The following TNFSF4 variants were observed in gnomAD, a reference collection of about 807,000 sequenced individuals.
The protein encoded by TNFSF4 is TNF superfamily member 4, also known as tumor necrosis factor ligand superfamily member 4.
TNFSF4 carries 4 observed loss-of-function variants against 7.3 expected under a neutral mutation model. The ratio of observed to expected loss-of-function variants is 0.55; its 90% CI spans 0.27 to 1.25. The LOEUF (loss-of-function observed/expected upper bound fraction) is 1.25. TNFSF4 is among the 50% of genes most tolerant of loss of function. The pLI is 0.12. For synonymous variants in TNFSF4, 76 were observed against 83.7 expected (o/e 0.91, Z 0.50); for missense variants, 181 against 208.8 (o/e 0.87, Z 0.82).
the TNFSF4 span, among the ~76,000 whole-genome samples, chr1:173,358,937 A>G: frequency 2.6e-5 from 4 of 152,232 alleles, no homozygotes; most frequent in Non-Finnish European, 5.9e-5. Flanking sequence ...AGATCTTTCT[A>G]GGCACCTGGC....
chr1:173,238,516 A>G, the TNFSF4 span, among the ~76,000 whole-genome samples: 1 of 149,346 alleles, frequency 6.7e-6, no homozygotes, highest in African/African-American at 2.4e-5. Context: ...CATCTGACAA[A>G]TGTCTAATAT....
the TNFSF4 span, among the ~76,000 whole-genome samples, chr1:173,353,128 C>T: frequency 6.6e-6 from 1 of 152,116 alleles, no homozygotes; most frequent in Non-Finnish European, 1.5e-5. Context: ...ACAATTTGTG[C>T]AGTCAACGCA....
At chr1:173,408,097 C>T in the TNFSF4 span, among the ~76,000 whole-genome samples, 1 of 152,198 alleles carries the variant, frequency 6.6e-6, no homozygotes, top group African/African-American at 2.4e-5. Flanking sequence ...GGAAAATACA[C>T]TTCTGTTGTT....
At chr1:173,450,359 G>A in the TNFSF4 span, among the ~76,000 whole-genome samples, 1 of 152,002 alleles carries the variant, frequency 6.6e-6, no homozygotes, top group Non-Finnish European at 1.5e-5. Flanking sequence ...AAACATTGTG[G>A]AAGAAATAAT....
chr1:173,429,812 G>C, the TNFSF4 span, among the ~76,000 whole-genome samples: 1 of 152,242 alleles, frequency 6.6e-6, no homozygotes, highest in Non-Finnish European at 1.5e-5. Flanking sequence ...AGGAAAAGTT[G>C]AGTGAGAATG....
At chr1:173,345,169 T>G in the TNFSF4 span, among the ~76,000 whole-genome samples, 1 of 152,200 alleles carries the variant, frequency 6.6e-6, no homozygotes. Context: ...GCCTATAGCA[T>G]AGCAAAACCA....
chr1:173,388,986 C>A, the TNFSF4 span, among the ~76,000 whole-genome samples: 1 of 152,216 alleles, frequency 6.6e-6, no homozygotes, highest in Non-Finnish European at 1.5e-5. Context: ...CATACAGTTT[C>A]TCTCTTTAGA....
At chr1:173,419,067 C>T in the TNFSF4 span, among the ~76,000 whole-genome samples, 1 of 152,202 alleles carries the variant, frequency 6.6e-6, no homozygotes, top group Non-Finnish European at 1.5e-5. Context: ...TGGCCGGGTG[C>T]TGTGGCTCAC....
At chr1:173,334,395 C>T in the TNFSF4 span, among the ~76,000 whole-genome samples, 2 of 152,180 alleles carry the variant, frequency 1.3e-5, no homozygotes, top group African/African-American at 4.8e-5. Flanking sequence ...CCACTTGATC[C>T]TGTCAAGGTA....
At chr1:173,327,609 C>A in the TNFSF4 span, among the ~76,000 whole-genome samples, 3 of 151,644 alleles carry the variant, frequency 2.0e-5, no homozygotes, top group South Asian at 6.3e-4. Flanking sequence ...ACTCATCTGA[C>A]AAAGGGCTAA....
chr1:173,320,744 T>TA, the TNFSF4 span, among the ~76,000 whole-genome samples: 1 of 151,938 alleles, frequency 6.6e-6, no homozygotes, highest in African/African-American at 2.4e-5. Context: ...ATGAAGAGAA[T>TA]AAAATACACA....
At chr1:173,283,927 CAA>C in the TNFSF4 span, among the ~76,000 whole-genome samples, 126 of 62,384 alleles carry the variant, frequency 2.0e-3, no homozygotes, top group African/African-American at 4.0e-3. Flanking sequence ...CTTATGAATG[CAA>C]AAAAAAAAAA....
the TNFSF4 span, among the ~76,000 whole-genome samples, chr1:173,231,712 C>T: frequency 1.3e-5 from 2 of 152,032 alleles, no homozygotes; most frequent in African/African-American, 4.8e-5. Context: ...ATTTAGAAAA[C>T]CCCATCATCT....
the TNFSF4 span, among the ~76,000 whole-genome samples, chr1:173,442,531 G>C: frequency 2.7e-5 from 4 of 147,224 alleles, no homozygotes; most frequent in African/African-American, 1.0e-4. Context: ...TTCGGTTTTT[G>C]GTTTTTCGTT....
chr1:173,300,317 T>A, the TNFSF4 span, among the ~76,000 whole-genome samples: 1 of 151,792 alleles, frequency 6.6e-6, no homozygotes, highest in African/African-American at 2.4e-5. Flanking sequence ...GAACTTCCTA[T>A]GAGGAATAGG....
chr1:173,382,513 G>A, the TNFSF4 span, among the ~76,000 whole-genome samples: 1 of 152,190 alleles, frequency 6.6e-6, no homozygotes, highest in Non-Finnish European at 1.5e-5. Flanking sequence ...CATGGCATGT[G>A]TATACCTATG....
the TNFSF4 span, among the ~76,000 whole-genome samples, chr1:173,214,193 T>G: frequency 2.6e-5 from 4 of 152,204 alleles, no homozygotes; most frequent in African/African-American, 7.2e-5. Context: ...AAGCGGGTAC[T>G]ATTTTCTCCC....
intron 1 of TNFSF4, among the ~76,000 whole-genome samples, chr1:173,201,753 T>C (rs1488289762): frequency 6.6e-6 from 1 of 152,156 alleles, no homozygotes; most frequent in Non-Finnish European, 1.5e-5. Context: ...ATTCCTTTGT[T>C]TGAAAAGATT....
chr1:173,233,118 G>A, the TNFSF4 span, among the ~76,000 whole-genome samples: 1 of 152,182 alleles, frequency 6.6e-6, no homozygotes, highest in African/African-American at 2.4e-5. Flanking sequence ...AATAACCAGT[G>A]TAGAGAAGAC....
Sources: gnomAD v4.1 joint callset for allele counts (sites outside exome capture counted in the v4.1 genomes callset) on GRCh38, gnomAD v4.1.1 for gene constraint, MANE v1.5 for transcripts, NCBI Gene and HGNC (gene_info 2026-07-23, HGNC 2026-07-21) for gene names.